NSUN6: variants seen among roughly 807,000 people sequenced by gnomAD.
NSUN6 encodes the protein NOP2/Sun RNA methyltransferase 6.
A neutral mutation model predicts 58.0 loss-of-function variants in NSUN6; 64 were observed. The observed-to-expected ratio is 1.10, with a 90% CI of 0.90 to 1.36. The LOEUF is 1.36. Ranked by LOEUF, NSUN6 falls within the 40% of genes most tolerant of loss-of-function variation. The pLI is 0.00. For missense variants in NSUN6, 701 were observed against 550.1 expected (o/e 1.27, Z -2.74); for synonymous variants, 231 against 193.9 (o/e 1.19, Z -1.59).
chr10:18,566,155 TTCCATTCCATTC>T (rs1312174783), intron 8 of NSUN6, among the ~76,000 whole-genome samples: 1 of 151,536 alleles, frequency 6.6e-6, no homozygotes, highest in Non-Finnish European at 1.5e-5. Context: ...CCATTCTCCA[TTCCATTCCATTC>T]TCCATTCCAT....
intron 3 of NSUN6, among the ~76,000 whole-genome samples, chr10:18,620,923 G>A (rs566134516): frequency 6.6e-6 from 1 of 152,298 alleles, no homozygotes; most frequent in African/African-American, 2.4e-5. Flanking sequence ...AAAATAACAT[G>A]GAGGGGAAAG....
At chr10:18,652,073 G>GA (rs773780141), upstream of NSUN6, 18 of 985,248 alleles carry the variant, frequency 1.8e-5, no homozygotes, top group Non-Finnish European at 2.2e-5. Context: ...TCATATTTTT[G>GA]AAAGTTGGGC....
At chr10:18,650,616 A>AGCT (rs1590208048) in intron 1 of NSUN6, among the ~76,000 whole-genome samples, 1 of 152,230 alleles carries the variant, frequency 6.6e-6, no homozygotes, top group East Asian at 1.9e-4. Flanking sequence ...GTTACTTGAT[A>AGCT]GCTGTGTCAA....
At chr10:18,637,730 G>A (rs1159925643) in intron 3 of NSUN6, among the ~76,000 whole-genome samples, 1 of 152,202 alleles carries the variant, frequency 6.6e-6, no homozygotes, top group Non-Finnish European at 1.5e-5. Context: ...TCTATCAATG[G>A]AGGATAGAAA....
chr10:18,600,241 A>G (rs1486394153), intron 6 of NSUN6, among the ~76,000 whole-genome samples: 1 of 152,154 alleles, frequency 6.6e-6, no homozygotes, highest in Non-Finnish European at 1.5e-5. Flanking sequence ...AAACGAAAAA[A>G]AAACCCCACA....
At chr10:18,632,185 C>G (rs1235156287) in intron 3 of NSUN6, among the ~76,000 whole-genome samples, 18 of 151,902 alleles carry the variant, frequency 1.2e-4, no homozygotes, top group Admixed American at 2.6e-4. Context: ...ATGGTGCTGG[C>G]AAAACTGGCT....
chr10:18,557,772 T>A (rs1306807776), intron 8 of NSUN6, among the ~76,000 whole-genome samples: 1 of 147,426 alleles, frequency 6.8e-6, no homozygotes, highest in Non-Finnish European at 1.5e-5. Context: ...GAATGGAGAA[T>A]GGAACAGAAT....
At chr10:18,562,725 GCGA>G (rs1564723178) in intron 8 of NSUN6, among the ~76,000 whole-genome samples, 2 of 149,340 alleles carry the variant, frequency 1.3e-5, no homozygotes, top group African/African-American at 2.5e-5. Flanking sequence ...GGAATGGAAT[GCGA>G]AATGGAATGG....
In NSUN6 at chr10:18,642,509, T is replaced by G; in HGVS notation, c.278A>C (p.Gln93Pro). ...SVPILQHPDL[Q>P]DVLLIPVIGP... ...AATAACAGGAATAAGTAACACATCT[T>G]GAAGGTCTGGATGTTGAAGAATAGG... Residue 93 changes from glutamine (Q) to proline (P), a missense_variant, in exon 3 of 11, where the codon CAA (glutamine) becomes CCA (proline). Gln to Pro is a moderately conservative substitution (Grantham distance 76). Transcript: ENST00000377304. 2 of 1,561,028 alleles carry G rather than the reference T, an allele frequency of 1.3e-6. No homozygotes were observed. The highest frequency in any genetic ancestry group is 1.8e-6 in the Non-Finnish European group (2 of 1,132,432).
chr10:18,564,833 CA>C lies in NSUN6; in HGVS notation c.923-12863del, dbSNP rs150156557. The stretch of plus-strand genomic sequence containing the variant: ...TCCATTATTCAATTCATTCTCCATT[CA>C]ATTCTATTCCATTCTCCATTCCTGT... On this transcript the variant is annotated intron_variant, in intron 8 of 10. Coordinates refer to ENST00000377304, the MANE Select transcript of NSUN6 (RefSeq NM_182543.5). Among the ~76,000 whole-genome samples, 573 of 150,542 alleles carry C rather than the reference CA, an allele frequency of 3.8e-3. 7 individuals carry two copies. Among genetic ancestry groups the C allele is most frequent in the African/African-American group, 0.013 (549 of 41,080 alleles).
At position 18,578,566 on chromosome 10, in the gene NSUN6, C is replaced by T. The variant is rs539540529; in HGVS notation, c.922+7383G>A. On this transcript the variant is annotated intron_variant, in intron 8 of 10. Coordinates refer to ENST00000377304, the MANE Select transcript of NSUN6 (RefSeq NM_182543.5). ...AGCTCTAGGTTGCCCCAGGGCTCTC[C>T]GTTGCTTACAGCCCCCCAACATCAA... is the stretch of plus-strand genomic sequence containing the variant. Among the ~76,000 whole-genome samples the T allele has an allele frequency of 3.7e-4, 56 of 152,242 alleles. 1 individual carries two copies. The South Asian group carries it at 0.011, about 31-fold the overall frequency.
chr10:18,585,942 A>G lies in NSUN6; in HGVS notation c.922+7T>C. On this transcript the variant is annotated splice_region_variant and intron_variant, in intron 8 of 10. Transcript: ENST00000377304. ...CAATTAAAAATAAGAAAATCAAAAT[A>G]GCTCACCTTCTGTGTCCTCCACCAT... 6.3e-7 allele frequency: 1 copy of G among 1,582,134 alleles called. No homozygotes were observed. Among genetic ancestry groups the G allele is most frequent in the Non-Finnish European group, 8.6e-7 (1 of 1,169,224 alleles).
rs2059704937 is a variant in NSUN6 at position 18,651,492 on chromosome 10, A to C, written c.-289T>G. On this transcript the variant is annotated 5_prime_UTR_variant, in exon 1 of 11. Transcript: ENST00000377304. ...GCCACTCACGTTGCAAAGAACCAAA[A>C]AAAGAAAAAAATGCTTAGTAACTGA... The C allele has an allele frequency of 1.8e-6, 2 of 1,095,356 alleles. No homozygotes were observed. The highest frequency in any genetic ancestry group is 2.2e-6 in the Non-Finnish European group (2 of 902,110). The allele number at this position is 1,095,356 out of a possible 1,614,324, so 67.9% of individuals were successfully genotyped here.
At position 18,545,760 on chromosome 10, in the gene NSUN6, C is replaced by G; in HGVS notation, c.*173G>C. ...AAAAACAGAAAATATAATCTCATAC[C>G]ACCCCCTACTTCCTCTATGTCTCTG... On this transcript the variant is annotated 3_prime_UTR_variant, in exon 11 of 11. Transcript: ENST00000377304. The G allele has an allele frequency of 1.8e-6, 1 of 558,408 alleles. No individual in the cohort carries two copies. The highest frequency in any genetic ancestry group is 3.1e-5 in the East Asian group (1 of 31,858). The allele number at this position is 558,408 out of a possible 1,614,324, so 34.6% of individuals were successfully genotyped here. A position where few individuals can be genotyped will look rare whatever the true frequency, so the allele number is the denominator to read the frequency against.
chr10:18,585,617 G>A (rs1018316761), intron 8 of NSUN6, among the ~76,000 whole-genome samples: 2 of 152,154 alleles, frequency 1.3e-5, no homozygotes, highest in Non-Finnish European at 2.9e-5. Context: ...CAAACTCATA[G>A]AAAGAATAGT....
At position 18,566,248 on chromosome 10, in the gene NSUN6, C is replaced by T. The variant is rs189865688; in HGVS notation, c.923-14277G>A. The stretch of plus-strand genomic sequence containing the variant: ...TTCCATTCCGCAATCCATTCCATTC[C>T]ACATTCCATTCCGTTCTCCATTCCA... On this transcript the variant is annotated intron_variant, in intron 8 of 10. Transcript: ENST00000377304. Among the ~76,000 whole-genome samples, 6 of 147,844 alleles carry T rather than the reference C, an allele frequency of 4.1e-5. No individual in the cohort carries two copies. In the East Asian group the frequency reaches 1.0e-3, roughly 26 times the overall value.
At chr10:18,589,636 GA>G (rs1480817323) in intron 7 of NSUN6, among the ~76,000 whole-genome samples, 1 of 152,140 alleles carries the variant, frequency 6.6e-6, no homozygotes, top group Non-Finnish European at 1.5e-5. Flanking sequence ...TTTCAACCCA[GA>G]ATTTCACATC....
intron 7 of NSUN6, among the ~76,000 whole-genome samples, chr10:18,590,084 C>CA (rs1028510911): frequency 2.7e-5 from 4 of 148,508 alleles, no homozygotes; most frequent in African/African-American, 7.4e-5. Context: ...CAATGGAAAG[C>CA]AAAAAAAAAG....
chr10:18,659,271 G>T (rs769543152), upstream of NSUN6: 2 of 257,642 alleles, frequency 7.8e-6, no homozygotes, highest in Non-Finnish European at 1.5e-5. Context: ...CGAAGGCGTG[G>T]GTTGCCGTAA....
Sources: allele counts gnomAD v4.1 joint callset (sites outside exome capture counted in the v4.1 genomes callset), GRCh38; gene constraint gnomAD v4.1.1; transcripts MANE v1.5; gene names NCBI Gene and HGNC (gene_info 2026-07-23, HGNC 2026-07-21).